The following PTPRN2 variants were observed in gnomAD, a reference collection of about 807,000 sequenced individuals.
PTPRN2 encodes the protein receptor-type tyrosine-protein phosphatase N2.
PTPRN2 carries 74 observed loss-of-function variants against 118.8 expected under a neutral mutation model. The observed-to-expected ratio is 0.62, with a 90% CI of 0.52 to 0.76. PTPRN2 has a LOEUF of 0.76. Among genes scored for constraint, PTPRN2 ranks in the 30% least tolerant of loss-of-function variants. The pLI is 0.00. For synonymous variants in PTPRN2, 641 were observed against 608.0 expected, an observed-to-expected ratio of 1.05 and a Z score of -0.80; for missense variants, 1,481 against 1,394.4, an observed-to-expected ratio of 1.06 and a Z score of -0.99.
At chr7:158,405,060 T>C (rs1586589346) in intron 2 of PTPRN2, among the ~76,000 whole-genome samples, 2 of 75,368 alleles carry the variant, frequency 2.7e-5, no homozygotes, top group Non-Finnish European at 2.7e-5. Flanking sequence ...GGCCCCCAGC[T>C]CCCTGGCCTC....
intron 2 of PTPRN2, among the ~76,000 whole-genome samples, chr7:158,441,086 G>A (rs1206553510): frequency 6.9e-5 from 10 of 144,714 alleles, no homozygotes; most frequent in African/African-American, 2.5e-4. Flanking sequence ...TGGTGCTGGT[G>A]GTAGTGATAG....
At chr7:157,882,473 C>T (rs1043837401) in intron 12 of PTPRN2, among the ~76,000 whole-genome samples, 1 of 151,790 alleles carries the variant, frequency 6.6e-6, no homozygotes, top group South Asian at 2.1e-4. Context: ...CACACCACCC[C>T]CAAAATGACT....
At chr7:158,321,974 G>T (rs572771721) in intron 2 of PTPRN2, among the ~76,000 whole-genome samples, 3 of 152,334 alleles carry the variant, frequency 2.0e-5, no homozygotes, top group African/African-American at 7.2e-5. Context: ...CTGCGCGGAA[G>T]CCTAACCCCC....
chr7:158,312,058 C>T lies in PTPRN2; in HGVS notation c.277+4761G>A, dbSNP rs894129045. 4.1e-3 allele frequency among the ~76,000 whole-genome samples: 110 copies of T among 27,108 alleles called. 2 individuals carry two copies. Among genetic ancestry groups the T allele is most frequent in the Non-Finnish European group, 7.3e-4 (4 of 5,464 alleles). The allele number at this position is 27,108 out of a possible 152,430, so 17.8% of individuals were successfully genotyped here. A position where few individuals can be genotyped will look rare whatever the true frequency, so the allele number is the denominator to read the frequency against. On this transcript the variant is annotated intron_variant, in intron 3 of 22. Coordinates refer to ENST00000389418, the MANE Select transcript of PTPRN2 (RefSeq NM_002847.5). ...AGACACACACATGCACACACGTGCT[C>T]ACATGTAGACACACACACGTGCACT... is the stretch of plus-strand genomic sequence containing the variant.
chr7:158,408,960 T>G (rs1813804016), intron 2 of PTPRN2, among the ~76,000 whole-genome samples: 2 of 151,472 alleles, frequency 1.3e-5, no homozygotes. Flanking sequence ...CCTCCATATT[T>G]GCTATACATT....
At chr7:158,086,264 C>T (rs1363977087) in intron 10 of PTPRN2, among the ~76,000 whole-genome samples, 1 of 152,134 alleles carries the variant, frequency 6.6e-6, no homozygotes, top group Non-Finnish European at 1.5e-5. Context: ...CAGGCTGAAG[C>T]CACAATGATA....
chr7:157,672,319 G>T (rs747954477), intron 13 of PTPRN2, among the ~76,000 whole-genome samples: 3 of 152,084 alleles, frequency 2.0e-5, no homozygotes, highest in Non-Finnish European at 4.4e-5. Flanking sequence ...TTCACGTTTG[G>T]GGCTCACTTA....
At chr7:158,291,984 A>G (rs968646563) in intron 3 of PTPRN2, among the ~76,000 whole-genome samples, 1 of 152,250 alleles carries the variant, frequency 6.6e-6, no homozygotes, top group African/African-American at 2.4e-5. Context: ...GGCCAGTAAT[A>G]CACAAGCCTG....
intron 12 of PTPRN2, among the ~76,000 whole-genome samples, chr7:157,872,750 A>G (rs922386229): frequency 6.6e-6 from 1 of 152,212 alleles, no homozygotes; most frequent in Non-Finnish European, 1.5e-5. Context: ...CTCAGTCCAC[A>G]TGCCCCTCCT....
intron 2 of PTPRN2, among the ~76,000 whole-genome samples, chr7:158,415,518 G>A (rs932118458): frequency 5.9e-5 from 9 of 152,140 alleles, no homozygotes; most frequent in Admixed American, 1.3e-4. Flanking sequence ...TCCGGAGTGC[G>A]GCCTGCTTAC....
At position 158,166,985 on chromosome 7, in the gene PTPRN2, G is replaced by C; in HGVS notation, c.856C>G (p.Gln286Glu). Residue 286 changes from glutamine to glutamate, a missense_variant, in exon 6 of 23, where the codon CAG becomes GAG. Gln to Glu is a conservative substitution (Grantham distance 29). Coordinates refer to ENST00000389418, the MANE Select transcript of PTPRN2 (RefSeq NM_002847.5). The part of the protein sequence containing the change: ...PRPLLAPAAP[Q>E]KWPSPLGDSE... ...TCTCCCAGAGGTGAAGGCCACTTCT[G>C]GGGGGCGGCTGGTGCCAGCAAAGGC... is the stretch of plus-strand genomic sequence containing the variant. 6.9e-7 allele frequency: 1 copy of C among 1,458,514 alleles called. No homozygotes were observed. Among genetic ancestry groups the C allele is most frequent in the Non-Finnish European group, 9.1e-7 (1 of 1,100,538 alleles). The allele number at this position is 1,458,514 out of a possible 1,614,324, so 90.3% of individuals were successfully genotyped here. A position where few individuals can be genotyped will look rare whatever the true frequency, so the allele number is the denominator to read the frequency against.
chr7:157,940,829 AG>A (rs1800036516), intron 11 of PTPRN2, among the ~76,000 whole-genome samples: 1 of 55,902 alleles, frequency 1.8e-5, no homozygotes, highest in Non-Finnish European at 2.8e-5. Context: ...CCCTCCCCAC[AG>A]TGACACTGCA....
At chr7:157,712,141 C>CACCATGAGTG in intron 12 of PTPRN2, among the ~76,000 whole-genome samples, 1 of 150,624 alleles carries the variant, frequency 6.6e-6, no homozygotes, top group African/African-American at 2.4e-5. Context: ...TGGCTGGGGG[C>CACCATGAGTG]GGCCAGTCCT....
chr7:158,184,887 G>A (rs2150672683), intron 5 of PTPRN2, among the ~76,000 whole-genome samples: 1 of 152,326 alleles, frequency 6.6e-6, no homozygotes, highest in Non-Finnish European at 1.5e-5. Flanking sequence ...TCTAATGCCA[G>A]ATTTTAAGTG....
intron 12 of PTPRN2, among the ~76,000 whole-genome samples, chr7:157,730,356 C>T (rs1209558296): frequency 6.6e-6 from 1 of 152,224 alleles, no homozygotes; most frequent in African/African-American, 2.4e-5. Flanking sequence ...CTTTCCTCTT[C>T]TAGAAAAACG....
intron 2 of PTPRN2, among the ~76,000 whole-genome samples, chr7:158,436,960 A>G (rs1457095424): frequency 6.6e-6 from 1 of 152,204 alleles, no homozygotes; most frequent in Non-Finnish European, 1.5e-5. Flanking sequence ...AAATAGCTAT[A>G]TAATAGATTT....
At chr7:157,837,455 G>A (rs991671737) in intron 12 of PTPRN2, among the ~76,000 whole-genome samples, 4 of 151,452 alleles carry the variant, frequency 2.6e-5, no homozygotes, top group Admixed American at 2.6e-4. Flanking sequence ...TGGTGGAGGG[G>A]GGAGGCTGTT....
chr7:157,908,495 G>A (rs1797903722), intron 11 of PTPRN2, among the ~76,000 whole-genome samples: 1 of 152,342 alleles, frequency 6.6e-6, no homozygotes, highest in African/African-American at 2.4e-5. Context: ...GGCAGTGCCA[G>A]GTGCCCACTC....
At chr7:158,021,606 G>A (rs187592084) in intron 11 of PTPRN2, among the ~76,000 whole-genome samples, 13 of 152,102 alleles carry the variant, frequency 8.5e-5, no homozygotes, top group African/African-American at 2.9e-4. Context: ...AGAAGGCGCT[G>A]CCCACCAGCC....
Sources: gnomAD v4.1 joint callset for allele counts (sites outside exome capture counted in the v4.1 genomes callset) on GRCh38, gnomAD v4.1.1 for gene constraint, MANE v1.5 for transcripts, NCBI Gene and HGNC (gene_info 2026-07-23, HGNC 2026-07-21) for gene names.